The following PTPRN2 variants were observed in gnomAD, a reference collection of about 807,000 sequenced individuals.
The protein encoded by PTPRN2 is protein tyrosine phosphatase receptor type N2, also known as receptor-type tyrosine-protein phosphatase N2.
Under a neutral mutation model 118.8 loss-of-function variants are expected in PTPRN2, and 74 were observed. That is an observed-to-expected ratio of 0.62 (90% CI 0.52 to 0.76). PTPRN2 has a LOEUF of 0.76. Among genes scored for constraint, PTPRN2 ranks in the 30% least tolerant of loss-of-function variants. The pLI is 0.00. For synonymous variants in PTPRN2, 641 were observed against 608.0 expected, an observed-to-expected ratio of 1.05 and a Z score of -0.80; for missense variants, 1,481 against 1,394.4, an observed-to-expected ratio of 1.06 and a Z score of -0.99.
rs1407454889 is a variant in PTPRN2 at position 158,372,170 on chromosome 7, TGCTGGTCCCCAGAGCTGGACCCCCAAC to T, written c.164-55265_164-55239del. ...CGTGGAGTCTCACCTGCCCACCCCG[TGCTGGTCCCCAGAGCTGGACCCCCAAC>T]GCTGGTCCCCGGAGCTGGACACCCC... On this transcript the variant is annotated intron_variant, in intron 2 of 22. Transcript: ENST00000389418. Among the ~76,000 whole-genome samples, 710 of 152,112 alleles carry T rather than the reference TGCTGGTCCCCAGAGCTGGACCCCCAAC, an allele frequency of 4.7e-3. 11 individuals are homozygous for T. The highest frequency in any genetic ancestry group is 0.016 in the African/African-American group (676 of 41,460).
Position 157,906,678 on chromosome 7 carries a change from C to A in PTPRN2, c.1724-7941G>T, listed in dbSNP as rs142016476. Among the ~76,000 whole-genome samples, 9 of 152,252 alleles carry A rather than the reference C, an allele frequency of 5.9e-5. No homozygotes were observed. In the East Asian group the frequency reaches 1.7e-3, roughly 29 times the overall value. On this transcript the variant is annotated intron_variant, in intron 11 of 22. Transcript: ENST00000389418. ...AACATTGCAAACCTTCTTAAAGCTT[C>A]TCACTCACTACTGTGCACTGTGAGC...
In PTPRN2 at chr7:157,720,885, G is replaced by C. The variant is rs56754801; in HGVS notation, c.1789-37948C>G. 1.2e-3 allele frequency among the ~76,000 whole-genome samples: 190 copies of C among 152,310 alleles called. 1 individual carries two copies. Among genetic ancestry groups the C allele is most frequent in the African/African-American group, 4.3e-3 (177 of 41,570 alleles). On this transcript the variant is annotated intron_variant, in intron 12 of 22. Coordinates refer to ENST00000389418, the MANE Select transcript of PTPRN2 (RefSeq NM_002847.5). ...ACTGGCTCTAGCTCTCCTAAAACAC[G>C]GGACGCAGGAGTGTTTCTTAAGTGT...
At chr7:158,130,104 G>A (rs1257382511) in intron 9 of PTPRN2, among the ~76,000 whole-genome samples, 1 of 152,116 alleles carries the variant, frequency 6.6e-6, no homozygotes, top group African/African-American at 2.4e-5. Context: ...TGCGGTTTGA[G>A]CTCAAGATAA....
At chr7:158,246,707 A>T (rs1377505059) in intron 3 of PTPRN2, among the ~76,000 whole-genome samples, 1 of 152,074 alleles carries the variant, frequency 6.6e-6, no homozygotes, top group Non-Finnish European at 1.5e-5. Context: ...CTGACAGGCA[A>T]GGCCGACCAA....
chr7:157,899,593 G>A (rs965188554), intron 11 of PTPRN2, among the ~76,000 whole-genome samples: 1 of 152,178 alleles, frequency 6.6e-6, no homozygotes, highest in Non-Finnish European at 1.5e-5. Flanking sequence ...AATACAGGAT[G>A]AGATAGCAGG....
chr7:158,314,159 C>T (rs1802098405), intron 3 of PTPRN2, among the ~76,000 whole-genome samples: 1 of 152,190 alleles, frequency 6.6e-6, no homozygotes, highest in Non-Finnish European at 1.5e-5. Context: ...TAGCTACATA[C>T]ATACCTAGAG....
At chr7:157,957,748 G>A (rs577868702) in intron 11 of PTPRN2, among the ~76,000 whole-genome samples, 7 of 152,070 alleles carry the variant, frequency 4.6e-5, no homozygotes, top group Admixed American at 3.3e-4. Context: ...GACTGAAACC[G>A]TAGTCAAAAA....
chr7:157,966,134 C>T (rs186979866), intron 11 of PTPRN2, among the ~76,000 whole-genome samples: 13 of 152,186 alleles, frequency 8.5e-5, no homozygotes, highest in South Asian at 2.1e-4. Flanking sequence ...AAAGTTATCT[C>T]GGTGGCCTAT....
chr7:158,277,747 C>T (rs28469570), intron 3 of PTPRN2, among the ~76,000 whole-genome samples: 40,195 of 152,090 alleles, frequency 0.26, 5,396 homozygotes, highest in South Asian at 0.35. Context: ...CTTGCCCGGC[C>T]GGGGTTGTGG....
chr7:157,959,075 C>A (rs1409192706), intron 11 of PTPRN2, among the ~76,000 whole-genome samples: 3 of 152,294 alleles, frequency 2.0e-5, no homozygotes, highest in South Asian at 4.2e-4. Context: ...CAGAAGTAAA[C>A]CCTTTTGTGT....
At chr7:157,855,068 C>T (rs1216322139) in intron 12 of PTPRN2, among the ~76,000 whole-genome samples, 26 of 144,336 alleles carry the variant, frequency 1.8e-4, no homozygotes, top group Admixed American at 1.2e-3. Context: ...GGGGCTGGAT[C>T]GGGGAGGATG....
At chr7:158,112,975 G>A (rs991622023) in intron 9 of PTPRN2, among the ~76,000 whole-genome samples, 14 of 152,068 alleles carry the variant, frequency 9.2e-5, no homozygotes, top group African/African-American at 3.4e-4. Context: ...CACCTAAGAC[G>A]GAGCCTTGCC....
chr7:158,508,660 G>A (rs1160813830), intron 1 of PTPRN2, among the ~76,000 whole-genome samples: 16 of 125,150 alleles, frequency 1.3e-4, no homozygotes, highest in African/African-American at 2.6e-4. Context: ...TGTGGGTGTC[G>A]GGGCAACGTG....
At chr7:157,642,567 C>T (rs1248093798) in intron 14 of PTPRN2, among the ~76,000 whole-genome samples, 2 of 152,198 alleles carry the variant, frequency 1.3e-5, no homozygotes, top group African/African-American at 2.4e-5. Flanking sequence ...AGCCTGTGGA[C>T]GTCTCCGTCC....
chr7:157,568,928 T>C lies in PTPRN2; in HGVS notation c.2876A>G (p.Asp959Gly). Residue 959 changes from aspartate to glycine, a missense_variant, in exon 21 of 23, where the codon GAC becomes GGC. Transcript: ENST00000389418. Reference protein sequence around the residue: ...AGRSGTYVLIDMVLNKMAKGA... With the variant: ...AGRSGTYVLIGMVLNKMAKGA... ...TTTGGCCATCTTGTTGAGAACCATGTCGATCAGGACGTAGGTGCCGCTCCG... is the reference window on the plus strand; with the variant it reads ...TTTGGCCATCTTGTTGAGAACCATGCCGATCAGGACGTAGGTGCCGCTCCG... 6.3e-7 allele frequency: 1 copy of C among 1,577,322 alleles called. No individual in the cohort carries two copies. Among genetic ancestry groups the C allele is most frequent in the Non-Finnish European group, 8.7e-7 (1 of 1,146,684 alleles).
chr7:158,122,963 C>T (rs1437610900), intron 9 of PTPRN2, among the ~76,000 whole-genome samples: 5 of 152,160 alleles, frequency 3.3e-5, no homozygotes, highest in African/African-American at 1.2e-4. Context: ...GAACAGGACC[C>T]GCCATGACCG....
At chr7:157,706,490 G>A (rs1362527562) in intron 12 of PTPRN2, among the ~76,000 whole-genome samples, 1 of 150,544 alleles carries the variant, frequency 6.6e-6, no homozygotes, top group Non-Finnish European at 1.5e-5. Context: ...AGTGCTTTCC[G>A]GATCAACAGG....
intron 3 of PTPRN2, among the ~76,000 whole-genome samples, chr7:158,227,244 G>A (rs1401005349): frequency 6.6e-6 from 1 of 152,166 alleles, no homozygotes; most frequent in Non-Finnish European, 1.5e-5. Flanking sequence ...GCTGAGCAGA[G>A]GAGCAAAATC....
chr7:158,523,659 G>A (rs1824460315), intron 1 of PTPRN2, among the ~76,000 whole-genome samples: 1 of 141,090 alleles, frequency 7.1e-6, no homozygotes, highest in Non-Finnish European at 1.5e-5. Flanking sequence ...GCCCTGGAGT[G>A]GAGTCGTCTG....
Sources: allele counts gnomAD v4.1 joint callset (sites outside exome capture counted in the v4.1 genomes callset), GRCh38; gene constraint gnomAD v4.1.1; transcripts MANE v1.5; gene names NCBI Gene and HGNC (gene_info 2026-07-23, HGNC 2026-07-21).